Variants in XYLT1 observed in about 807,000 individuals in gnomAD.
The protein encoded by XYLT1 is xylosyltransferase 1.
In XYLT1, 36 loss-of-function variants were observed where a neutral mutation model predicts 91.3. The observed-to-expected ratio is 0.39, with a 90% confidence interval of 0.30 to 0.52. XYLT1 has a LOEUF of 0.52. Among genes scored for constraint, XYLT1 ranks in the 20% least tolerant of loss-of-function variants. XYLT1 has a pLI of 0.68. For synonymous variants in XYLT1, 588 were observed against 532.0 expected (o/e 1.11, Z -1.45); for missense variants, 1,242 against 1,284.5 (o/e 0.97, Z 0.51).
At chr16:17,199,671 G>A (rs933735365) in intron 4 of XYLT1, among the ~76,000 whole-genome samples, 3 of 152,134 alleles carry the variant, frequency 2.0e-5, no homozygotes, top group Admixed American at 6.5e-5. Context: ...GTTTTACACC[G>A]GGAAACTTCT....
intron 2 of XYLT1, among the ~76,000 whole-genome samples, chr16:17,292,884 T>C (rs1172697978): frequency 1.3e-5 from 2 of 152,104 alleles, no homozygotes; most frequent in Non-Finnish European, 2.9e-5. Context: ...TTCATCCACT[T>C]CATCTCAGCC....
chr16:17,278,681 C>T (rs2034013912), intron 2 of XYLT1, among the ~76,000 whole-genome samples: 1 of 152,150 alleles, frequency 6.6e-6, no homozygotes, highest in South Asian at 2.1e-4. Context: ...AGATTTTGCA[C>T]GATTCTCTTG....
intron 1 of XYLT1, among the ~76,000 whole-genome samples, chr16:17,420,687 AT>A (rs35212295): frequency 0.49 from 74,799 of 151,682 alleles, 21,396 homozygotes; most frequent in African/African-American, 0.78. Context: ...AATTATTCAG[AT>A]TTTTTTTTGC....
rs537585931 is a variant in XYLT1, at chr16:17,108,870, A to G, written c.2705T>C (p.Leu902Pro). ...RRNAASTGTALEGWLDSLVGG... is the reference protein window; with the variant it reads ...RRNAASTGTAPEGWLDSLVGG... ...CACCAACGAGTCCAGCCATCCCTCCAGCGCTGTGCCCGTGGAGGCTGCGTT... is the reference window on the plus strand; with the variant it reads ...CACCAACGAGTCCAGCCATCCCTCCGGCGCTGTGCCCGTGGAGGCTGCGTT... Residue 902 changes from leucine to proline, a missense_variant, in exon 12 of 12, where the codon CTG (leucine) becomes CCG (proline). By Grantham distance (98) the Leu-to-Pro change is moderately conservative (BLOSUM62 -3). Coordinates refer to ENST00000261381, the MANE Select transcript of XYLT1 (RefSeq NM_022166.4). The G allele has an allele frequency of 6.2e-7, 1 of 1,612,706 alleles. No homozygotes were observed. Among genetic ancestry groups the G allele is most frequent in the Non-Finnish European group, 8.5e-7 (1 of 1,179,306 alleles).
intron 10 of XYLT1, among the ~76,000 whole-genome samples, chr16:17,127,118 A>G (rs748528013): frequency 6.6e-6 from 1 of 152,218 alleles, no homozygotes; most frequent in Non-Finnish European, 1.5e-5. Flanking sequence ...AAAGCTAGCT[A>G]TGTGACCCAT....
In XYLT1 at chr16:17,107,709, C is replaced by G. The variant is rs1303848700; in HGVS notation, c.*986G>C. On this transcript the variant is annotated 3_prime_UTR_variant, in exon 12 of 12. Coordinates refer to ENST00000261381, the MANE Select transcript of XYLT1 (RefSeq NM_022166.4). Reference sequence around the variant, plus strand: ...GGATGGGTGCTGCTGTGCTGTCTAGCTCAGGAGTTTTGCTCCAAGCATTGC... The same window carrying G: ...GGATGGGTGCTGCTGTGCTGTCTAGGTCAGGAGTTTTGCTCCAAGCATTGC... 1 of 152,670 alleles carries G rather than the reference C, an allele frequency of 6.6e-6. No homozygotes were observed. The highest frequency in any genetic ancestry group is 6.5e-5 in the Admixed American group (1 of 15,282). The allele number at this position is 152,670 out of a possible 1,614,324, so 9.5% of individuals were successfully genotyped here. A position where few individuals can be genotyped will look rare whatever the true frequency, so the allele number is the denominator to read the frequency against.
At chr16:17,269,815 T>TATC (rs1423364430) in intron 2 of XYLT1, among the ~76,000 whole-genome samples, 1 of 150,620 alleles carries the variant, frequency 6.6e-6, no homozygotes, top group African/African-American at 2.5e-5. Context: ...TTATTATTAT[T>TATC]ATTATCATTA....
At chr16:17,291,134 A>G (rs1287258083) in intron 2 of XYLT1, among the ~76,000 whole-genome samples, 5 of 152,048 alleles carry the variant, frequency 3.3e-5, no homozygotes, top group African/African-American at 1.2e-4. Context: ...TTAATATATG[A>G]TTTAGTGGGC....
At chr16:17,280,765 C>T (rs930031408) in intron 2 of XYLT1, among the ~76,000 whole-genome samples, 1 of 152,096 alleles carries the variant, frequency 6.6e-6, no homozygotes, top group Admixed American at 6.5e-5. Context: ...AAAAGGGCAC[C>T]GTGCTGTAAA....
At chr16:17,321,002 A>T (rs1158941338) in intron 2 of XYLT1, among the ~76,000 whole-genome samples, 4 of 152,036 alleles carry the variant, frequency 2.6e-5, no homozygotes, top group Non-Finnish European at 5.9e-5. Flanking sequence ...CTACCATTCC[A>T]TGCAGGTTTC....
intron 3 of XYLT1, among the ~76,000 whole-genome samples, chr16:17,255,917 AGAATCACTT>A (rs1356795589): frequency 6.6e-6 from 1 of 152,180 alleles, no homozygotes; most frequent in Non-Finnish European, 1.5e-5. Context: ...CTAAGGCAGG[AGAATCACTT>A]GAACCTAAGA....
intron 1 of XYLT1, among the ~76,000 whole-genome samples, chr16:17,417,531 G>T (rs116497409): frequency 6.1e-4 from 93 of 152,048 alleles, no homozygotes; most frequent in African/African-American, 2.1e-3. Flanking sequence ...CTTTTTCCAG[G>T]CCAAACTACT....
chr16:17,332,612 G>A (rs1196599163), intron 2 of XYLT1, among the ~76,000 whole-genome samples: 4 of 134,732 alleles, frequency 3.0e-5, no homozygotes, highest in Admixed American at 1.5e-4. Flanking sequence ...ACACACACAC[G>A]GCTTCCTGAG....
At chr16:17,384,327 G>A (rs2035720612) in intron 1 of XYLT1, among the ~76,000 whole-genome samples, 1 of 151,652 alleles carries the variant, frequency 6.6e-6, no homozygotes, top group African/African-American at 2.4e-5. Context: ...ACCAAGTTCT[G>A]AGAGACCCTG....
chr16:17,227,711 T>C (rs1189064306), intron 3 of XYLT1: 2 of 152,292 alleles, frequency 1.3e-5, no homozygotes, highest in Non-Finnish European at 2.9e-5. Flanking sequence ...TGTTTTTTTG[T>C]TTTTGTTTTT....
intron 1 of XYLT1, among the ~76,000 whole-genome samples, chr16:17,462,533 G>T (rs1188683488): frequency 6.6e-6 from 1 of 152,202 alleles, no homozygotes; most frequent in Non-Finnish European, 1.5e-5. Flanking sequence ...GTTGCAGGCG[G>T]AAGGAAGTGT....
At chr16:17,325,324 C>T (rs761082336) in intron 2 of XYLT1, among the ~76,000 whole-genome samples, 9 of 152,152 alleles carry the variant, frequency 5.9e-5, no homozygotes, top group African/African-American at 9.7e-5. Context: ...TTGCTTGAAC[C>T]AGGGTGGTGG....
Position 17,141,790 on chromosome 16 carries a change from C to T in XYLT1, c.1371-421G>A, listed in dbSNP as rs116206194. Among the ~76,000 whole-genome samples the T allele has an allele frequency of 2.6e-3, 401 of 152,310 alleles. 1 individual carries two copies. Among genetic ancestry groups the T allele is most frequent in the African/African-American group, 9.0e-3 (373 of 41,550 alleles). ...TCAGAATAGTACTCTTCAATGCATA[C>T]AACAAAATATACAGGGTTATGAAAC... On this transcript the variant is annotated intron_variant, in intron 6 of 11. Coordinates refer to ENST00000261381, the MANE Select transcript of XYLT1 (RefSeq NM_022166.4).
rs540350227 is a variant in XYLT1 at position 17,122,111 on chromosome 16, T to C, written c.2224-4132A>G. The stretch of plus-strand genomic sequence containing the variant: ...TGTATAATGACTTACTTTTCTCTGG[T>C]AGATAGCCCACAGTGGAATTGCTGG... On this transcript the variant is annotated intron_variant, in intron 10 of 11. Transcript: ENST00000261381. Among the ~76,000 whole-genome samples the C allele has an allele frequency of 3.6e-4, 55 of 152,320 alleles. 1 individual carries two copies. Among genetic ancestry groups the C allele is most frequent in the African/African-American group, 1.3e-3 (52 of 41,556 alleles).
Sources: gnomAD v4.1 joint callset for allele counts (sites outside exome capture counted in the v4.1 genomes callset) on GRCh38, gnomAD v4.1.1 for gene constraint, MANE v1.5 for transcripts, NCBI Gene and HGNC (gene_info 2026-07-23, HGNC 2026-07-21) for gene names.